Variants in IGSF10 observed in about 807,000 individuals in gnomAD.
The protein encoded by IGSF10 is immunoglobulin superfamily member 10.
In IGSF10, 126 loss-of-function variants were observed where a neutral mutation model predicts 128.2. That is an observed-to-expected ratio of 0.98 (90% CI 0.85 to 1.14). The LOEUF is 1.14. IGSF10 is among the 50% of genes most tolerant of loss of function. The pLI, the probability that IGSF10 is intolerant of heterozygous loss-of-function variation, is 0.00. For synonymous variants in IGSF10, 1,185 were observed against 1,146.2 expected (o/e 1.03, Z -0.68); for missense variants, 3,295 against 3,149.8 (o/e 1.05, Z -1.10).
At chr3:151,558,005 A>AATATATATTATATATATATTAT in the IGSF10 span, among the ~76,000 whole-genome samples, 2 of 39,552 alleles carry the variant, frequency 5.1e-5, no homozygotes, top group African/African-American at 2.4e-4. Flanking sequence ...AAGTATATAT[A>AATATATATTATATATATATTAT]ATATATATAT....
At chr3:151,604,592 A>AACAC in the IGSF10 span, among the ~76,000 whole-genome samples, 168 of 144,650 alleles carry the variant, frequency 1.2e-3, no homozygotes, top group African/African-American at 2.8e-3. Flanking sequence ...GTACCAATAT[A>AACAC]ACACACACAC....
the IGSF10 span, among the ~76,000 whole-genome samples, chr3:151,618,794 T>A: frequency 1.3e-5 from 2 of 148,872 alleles, no homozygotes; most frequent in Admixed American, 6.6e-5. Flanking sequence ...AAAAATAAAA[T>A]AAATAAAAAA....
Position 151,448,686 on chromosome 3 carries a change from T to G in IGSF10, c.1295A>C (p.Asp432Ala), listed in dbSNP as rs748200356. The G allele has an allele frequency of 1.9e-6, 3 of 1,614,066 alleles. No homozygotes were observed. The highest frequency in any genetic ancestry group is 1.7e-5 in the Admixed American group (1 of 60,010). Residue 432 changes from aspartate (D) to alanine (A), a missense_variant, in exon 6 of 8, where the codon GAC becomes GCC. Physicochemically the swap from Asp to Ala is moderately radical, Grantham distance 126 (BLOSUM62 -2). Coordinates refer to ENST00000282466, the MANE Select transcript of IGSF10 (RefSeq NM_178822.5). ...TCTGTTCAGCTGCAAGGAAATTTGG[T>G]CTTGCATTAACCAAGAGGGATCTGC... ...LRADPSWLMQ[D>A]QISLQLNRTA...
At chr3:151,535,875 T>C in the IGSF10 span, among the ~76,000 whole-genome samples, 7 of 152,352 alleles carry the variant, frequency 4.6e-5, no homozygotes, top group South Asian at 1.4e-3. Flanking sequence ...AACTCATTTT[T>C]GAAATTGATG....
At chr3:151,614,560 C>G in the IGSF10 span, among the ~76,000 whole-genome samples, 9 of 152,156 alleles carry the variant, frequency 5.9e-5, no homozygotes, top group South Asian at 1.9e-3. Flanking sequence ...TCTCAGCAAA[C>G]TATCGCAAGG....
chr3:151,495,404 G>A, the IGSF10 span, among the ~76,000 whole-genome samples: 2,832 of 152,186 alleles, frequency 0.019, 66 homozygotes, highest in East Asian at 0.062. Flanking sequence ...CTGTGTCTGT[G>A]ATTATGATCT....
chr3:151,514,247 C>T, the IGSF10 span, among the ~76,000 whole-genome samples: 1 of 152,130 alleles, frequency 6.6e-6, no homozygotes, highest in East Asian at 1.9e-4. Flanking sequence ...GTAACCAAAA[C>T]AGCATGGTAC....
Position 151,448,922 on chromosome 3 carries a change from C to G in IGSF10, c.1059G>C (p.Val353=). ...IAFTEENDYI[V]LNTSFSTFLV... is the part of the protein sequence containing the mutation. ...AAAATGTTGAAAATGAAGTATTTAG[C>G]ACGATGTAGTCATTTTCTTCAGTGA... is the stretch of plus-strand genomic sequence containing the variant. Residue 353 remains valine, a synonymous_variant, in exon 6 of 8, where the codon GTG becomes GTC. Transcript: ENST00000282466. 1 of 1,614,178 alleles carries G rather than the reference C, an allele frequency of 6.2e-7. No homozygotes were observed. Among genetic ancestry groups the G allele is most frequent in the Non-Finnish European group, 8.5e-7 (1 of 1,180,034 alleles).
At chr3:151,484,481 C>G in the IGSF10 span, among the ~76,000 whole-genome samples, 464 of 152,298 alleles carry the variant, frequency 3.0e-3, 2 homozygotes, top group African/African-American at 0.011. Context: ...AAGTGGGTCC[C>G]TGACCCCTGT....
At chr3:151,489,444 C>T in the IGSF10 span, among the ~76,000 whole-genome samples, 3 of 152,086 alleles carry the variant, frequency 2.0e-5, no homozygotes, top group South Asian at 2.1e-4. Flanking sequence ...ACTAGAAATA[C>T]CATTTGACCC....
chr3:151,536,811 A>C, the IGSF10 span, among the ~76,000 whole-genome samples: 1 of 152,214 alleles, frequency 6.6e-6, no homozygotes, highest in African/African-American at 2.4e-5. Context: ...TCTGTAATAC[A>C]TCACATTAAC....
chr3:151,576,250 T>C, the IGSF10 span, among the ~76,000 whole-genome samples: 3 of 152,108 alleles, frequency 2.0e-5, no homozygotes, highest in East Asian at 3.8e-4. Context: ...CATTTTAGAC[T>C]TTAGCATTAC....
chr3:151,587,155 G>T, the IGSF10 span, among the ~76,000 whole-genome samples: 1 of 152,120 alleles, frequency 6.6e-6, no homozygotes, highest in East Asian at 1.9e-4. Flanking sequence ...CATCCATGCA[G>T]CCTCTCTATA....
At chr3:151,454,237 C>T (rs1304283820) in intron 4 of IGSF10, among the ~76,000 whole-genome samples, 1 of 152,004 alleles carries the variant, frequency 6.6e-6, no homozygotes, top group Non-Finnish European at 1.5e-5. Flanking sequence ...AGGTTGGTCT[C>T]AAACTCCTGA....
the IGSF10 span, among the ~76,000 whole-genome samples, chr3:151,468,066 A>C: frequency 6.6e-6 from 1 of 152,248 alleles, no homozygotes; most frequent in Non-Finnish European, 1.5e-5. Context: ...TTTGTGAAAC[A>C]TTCTGGGCTT....
chr3:151,584,881 G>A, the IGSF10 span, among the ~76,000 whole-genome samples: 1 of 152,326 alleles, frequency 6.6e-6, no homozygotes, highest in South Asian at 2.1e-4. Flanking sequence ...AAAGCAGATG[G>A]GGTGCAGGTG....
chr3:151,441,176 C>T (rs1720828214), intron 7 of IGSF10, among the ~76,000 whole-genome samples: 1 of 152,148 alleles, frequency 6.6e-6, no homozygotes, highest in Admixed American at 6.5e-5. Context: ...ATCCCCTGCA[C>T]CCAAGATCTG....
chr3:151,508,518 G>A, the IGSF10 span, among the ~76,000 whole-genome samples: 1 of 152,092 alleles, frequency 6.6e-6, no homozygotes, highest in African/African-American at 2.4e-5. Flanking sequence ...TTGGGAAACT[G>A]AGTCTCCTTT....
chr3:151,568,359 A>G, the IGSF10 span, among the ~76,000 whole-genome samples: 1 of 152,300 alleles, frequency 6.6e-6, no homozygotes, highest in Admixed American at 6.5e-5. Flanking sequence ...TCCTTTTATT[A>G]TGACAACAAA....
Sources: allele counts gnomAD v4.1 joint callset (sites outside exome capture counted in the v4.1 genomes callset), GRCh38; gene constraint gnomAD v4.1.1; transcripts MANE v1.5; gene names NCBI Gene and HGNC (gene_info 2026-07-23, HGNC 2026-07-21).